MALRD1: variants seen among roughly 807,000 people sequenced by gnomAD.
The protein encoded by MALRD1 is MAM and LDL receptor class A domain containing 1.
Under a neutral mutation model 242.1 loss-of-function variants are expected in MALRD1, and 247 were observed. That is an observed-to-expected ratio of 1.02 (90% confidence interval 0.92 to 1.13). The LOEUF (loss-of-function observed/expected upper bound fraction) is 1.13, where lower values mean the gene tolerates loss of function less well. Ranked by LOEUF, MALRD1 falls within the 50% of genes most tolerant of loss-of-function variation. The probability of loss-of-function intolerance (pLI) is 0.00; values close to 1 mark genes in which losing one functional copy is unlikely to be tolerated. For synonymous variants in MALRD1, 995 were observed against 866.6 expected, an observed-to-expected ratio of 1.15 and a Z score of -2.60; for missense variants, 2,989 against 2,533.1, an observed-to-expected ratio of 1.18 and a Z score of -3.86.
chr10:19,230,878 A>T (rs1838025285), intron 18 of MALRD1, among the ~76,000 whole-genome samples: 1 of 152,214 alleles, frequency 6.6e-6, no homozygotes, highest in Admixed American at 6.5e-5. Flanking sequence ...TTATCTTTTT[A>T]ATTTCTTTTG....
intron 36 of MALRD1, among the ~76,000 whole-genome samples, chr10:19,641,493 C>T (rs1840383353): frequency 6.6e-6 from 1 of 152,100 alleles, no homozygotes; most frequent in South Asian, 2.1e-4. Flanking sequence ...TTTTGTTTTA[C>T]TTATTGAACA....
At chr10:19,511,875 A>G (rs1283914415) in intron 31 of MALRD1, among the ~76,000 whole-genome samples, 8 of 152,078 alleles carry the variant, frequency 5.3e-5, no homozygotes, top group Admixed American at 5.3e-4. Context: ...AAGTTTTCAT[A>G]ATGAGAGAGG....
chr10:19,540,181 A>G (rs1834899993), intron 32 of MALRD1, among the ~76,000 whole-genome samples: 1 of 152,112 alleles, frequency 6.6e-6, no homozygotes, highest in Admixed American at 6.5e-5. Context: ...TAGAATAGGC[A>G]GATGTTTCCG....
Position 19,243,553 on chromosome 10 carries a change from CTTTGATTTTTT to C in MALRD1, c.2992-14127_2992-14117del, listed in dbSNP as rs1838896205. Among the ~76,000 whole-genome samples the C allele has an allele frequency of 2.0e-5, 3 of 152,070 alleles. No homozygotes were observed. The South Asian group carries it at 6.2e-4, about 32-fold the overall frequency. On this transcript the variant is annotated intron_variant, in intron 18 of 39. Transcript: ENST00000454679. ...TTGTGTATTATCCTCAGACGTAATT[CTTTGATTTTTT>C]TTTCTTTTCATGTTGTTACACATAG...
chr10:19,619,121 A>G (rs1239869617), intron 36 of MALRD1, among the ~76,000 whole-genome samples: 1 of 152,068 alleles, frequency 6.6e-6, no homozygotes, highest in Admixed American at 6.6e-5. Flanking sequence ...GTTCTAAAAG[A>G]CCAGTTTTCT....
intron 5 of MALRD1, among the ~76,000 whole-genome samples, chr10:19,122,776 A>G (rs1472154650): frequency 6.6e-6 from 1 of 152,028 alleles, no homozygotes; most frequent in Non-Finnish European, 1.5e-5. Flanking sequence ...CCCAGGGTGG[A>G]GTGAAGTGGC....
At chr10:19,449,918 T>C (rs186850352) in intron 28 of MALRD1, among the ~76,000 whole-genome samples, 3 of 152,310 alleles carry the variant, frequency 2.0e-5, no homozygotes, top group East Asian at 1.9e-4. Context: ...CTAGTAAAGT[T>C]GTGCAGAGCT....
At chr10:19,633,920 C>T (rs1049450474) in intron 36 of MALRD1, 2 of 149,744 alleles carry the variant, frequency 1.3e-5, no homozygotes, top group Non-Finnish European at 2.9e-5. Context: ...CTCACTGCAA[C>T]CTCCACCTCT....
At chr10:19,505,205 G>A (rs1014921505) in intron 31 of MALRD1, among the ~76,000 whole-genome samples, 2 of 152,100 alleles carry the variant, frequency 1.3e-5, no homozygotes, top group African/African-American at 2.4e-5. Context: ...TCCCAAAGAA[G>A]CTACACATAT....
At chr10:19,385,497 C>T (rs1345337919) in intron 26 of MALRD1, among the ~76,000 whole-genome samples, 1 of 151,942 alleles carries the variant, frequency 6.6e-6, no homozygotes, top group Non-Finnish European at 1.5e-5. Flanking sequence ...AGGAATGTAT[C>T]CATTTATCCA....
intron 18 of MALRD1, among the ~76,000 whole-genome samples, chr10:19,221,520 T>C (rs1039082208): frequency 2.6e-5 from 4 of 152,178 alleles, no homozygotes; most frequent in Non-Finnish European, 5.9e-5. Flanking sequence ...ATTTAAAATG[T>C]AACGGCAGTT....
At chr10:19,721,050 T>C (rs529437712) in intron 38 of MALRD1, among the ~76,000 whole-genome samples, 4 of 152,108 alleles carry the variant, frequency 2.6e-5, no homozygotes, top group South Asian at 2.1e-4. Flanking sequence ...ACATTGCTCA[T>C]TGATTTTTAG....
chr10:19,425,209 T>C lies in MALRD1; in HGVS notation c.4846-25098T>C, dbSNP rs1833861422. Among the ~76,000 whole-genome samples the C allele has an allele frequency of 2.0e-5, 3 of 152,222 alleles. No individual in the cohort carries two copies. The South Asian group carries it at 6.2e-4, about 32-fold the overall frequency. On this transcript the variant is annotated intron_variant, in intron 28 of 39. Coordinates refer to ENST00000454679, the MANE Select transcript of MALRD1 (RefSeq NM_001142308.3). ...TGAAGTAAACCCAAGCCCTTTTTAT[T>C]AGGCTTTAAAAATTCGTCTTTTCCT...
chr10:19,543,734 A>C (rs982847281), intron 32 of MALRD1, among the ~76,000 whole-genome samples: 1 of 152,088 alleles, frequency 6.6e-6, no homozygotes, highest in African/African-American at 2.4e-5. Flanking sequence ...TCTGCAAACC[A>C]ATGGAGAATT....
rs1020798669 is a variant in MALRD1, at chr10:19,558,598, T to C, written c.5479-8904T>C. ...TGGAATAAATCCTACCAGATCATGG[T>C]ATATTATTCTTTTCTTCCATTGCTG... On this transcript the variant is annotated intron_variant, in intron 32 of 39. Coordinates refer to ENST00000454679, the MANE Select transcript of MALRD1 (RefSeq NM_001142308.3). 1.8e-4 allele frequency among the ~76,000 whole-genome samples: 28 copies of C among 152,356 alleles called. 1 individual carries two copies. In the South Asian group the frequency reaches 5.6e-3, roughly 30 times the overall value.
intron 33 of MALRD1, among the ~76,000 whole-genome samples, chr10:19,587,840 C>G (rs774299634): frequency 9.3e-5 from 14 of 151,046 alleles, no homozygotes; most frequent in Middle Eastern, 3.5e-3. Flanking sequence ...GTATGGTAAT[C>G]AGAGAGATGT....
At chr10:19,383,015 C>A (rs572002955) in intron 26 of MALRD1, among the ~76,000 whole-genome samples, 83 of 152,150 alleles carry the variant, frequency 5.5e-4, no homozygotes, top group African/African-American at 2.0e-3. Context: ...ACTACAGATA[C>A]CATGGACATT....
intron 31 of MALRD1, among the ~76,000 whole-genome samples, chr10:19,513,425 C>T (rs1589179129): frequency 1.4e-5 from 2 of 139,652 alleles, no homozygotes; most frequent in African/African-American, 5.3e-5. Context: ...AAATAAATCT[C>T]TTTTTTTTTT....
intron 1 of MALRD1, among the ~76,000 whole-genome samples, chr10:19,061,792 A>T (rs1834830425): frequency 6.6e-6 from 1 of 152,190 alleles, no homozygotes; most frequent in Non-Finnish European, 1.5e-5. Context: ...GTACCTCAAA[A>T]TGGATTGAAG....
Sources: allele counts gnomAD v4.1 joint callset (sites outside exome capture counted in the v4.1 genomes callset), GRCh38; gene constraint gnomAD v4.1.1; transcripts MANE v1.5; gene names NCBI Gene and HGNC (gene_info 2026-07-23, HGNC 2026-07-21).